PPP3R1: variants seen among roughly 807,000 people sequenced by gnomAD.
PPP3R1 encodes the protein protein phosphatase 3 regulatory subunit B, alpha.
A neutral mutation model predicts 22.6 loss-of-function variants in PPP3R1; 5 were observed. The ratio of observed to expected loss-of-function variants is 0.22; its 90% CI spans 0.12 to 0.46. PPP3R1 has a LOEUF of 0.46. Ranked by LOEUF, PPP3R1 falls within the 20% of genes least tolerant of loss-of-function variation. The pLI, the probability that PPP3R1 is intolerant of heterozygous loss-of-function variation, is 0.99. For missense variants in PPP3R1, 61 were observed against 203.2 expected, an observed-to-expected ratio of 0.30 and a Z score of 4.25; for synonymous variants, 56 against 65.2, an observed-to-expected ratio of 0.86 and a Z score of 0.68.
chr2:68,205,676 C>T (rs1395412140), intron 2 of PPP3R1, among the ~76,000 whole-genome samples: 1 of 152,018 alleles, frequency 6.6e-6, no homozygotes, highest in Non-Finnish European at 1.5e-5. Flanking sequence ...TTTTTTAAAT[C>T]AATCCAGATG....
At chr2:68,208,090 T>G (rs546501377) in intron 2 of PPP3R1, among the ~76,000 whole-genome samples, 1 of 151,990 alleles carries the variant, frequency 6.6e-6, no homozygotes, top group African/African-American at 2.4e-5. Context: ...GAGGTGGAGG[T>G]TGCAGTGAGC....
Position 68,181,296 on chromosome 2 carries a change from T to C in PPP3R1, c.466-286A>G, listed in dbSNP as rs369465878. Among the ~76,000 whole-genome samples the C allele has an allele frequency of 2.5e-3, 372 of 151,060 alleles. 3 individuals carry two copies. The highest frequency in any genetic ancestry group is 8.7e-3 in the African/African-American group (359 of 41,104). ...TAGTCCCAGCTACTGGGCAGGCTGA[T>C]GCAGGAGAATCGCTTGAACCCGGGA... On this transcript the variant is annotated intron_variant, in intron 5 of 5. Coordinates refer to ENST00000234310, the MANE Select transcript of PPP3R1 (RefSeq NM_000945.4).
At chr2:68,191,326 A>T (rs1674663906) in intron 2 of PPP3R1, among the ~76,000 whole-genome samples, 1 of 152,234 alleles carries the variant, frequency 6.6e-6, no homozygotes, top group Non-Finnish European at 1.5e-5. Flanking sequence ...TGTACTGAAT[A>T]CTGTAGGCAA....
In PPP3R1 at chr2:68,252,294, C is replaced by T; in HGVS notation, c.-167G>A. 6 of 1,029,944 alleles carry T rather than the reference C, an allele frequency of 5.8e-6. No homozygotes were observed. The highest frequency in any genetic ancestry group is 5.8e-6 in the Non-Finnish European group (5 of 860,468). 63.8% of individuals were successfully genotyped at this position (1,029,944 alleles called of 1,614,324 possible). On this transcript the variant is annotated 5_prime_UTR_variant, in exon 1 of 6. Transcript: ENST00000234310. ...GGCGGCGCCGCGGGGCCCGCGCCGG[C>T]CGGGCGATTGGGCACGCGAGGGAGC...
At chr2:68,223,815 A>C (rs1166300473) in intron 1 of PPP3R1, among the ~76,000 whole-genome samples, 4 of 152,050 alleles carry the variant, frequency 2.6e-5, no homozygotes, top group African/African-American at 4.8e-5. Flanking sequence ...ACAAAAAAAA[A>C]AAAAAACAAA....
intron 1 of PPP3R1, among the ~76,000 whole-genome samples, chr2:68,222,472 G>A (rs1000881565): frequency 2.6e-5 from 4 of 152,178 alleles, no homozygotes; most frequent in African/African-American, 9.7e-5. Flanking sequence ...AAGTAAAACT[G>A]ATTGGATAAC....
At chr2:68,244,679 C>T (rs957573539) in intron 1 of PPP3R1, among the ~76,000 whole-genome samples, 2 of 152,114 alleles carry the variant, frequency 1.3e-5, no homozygotes, top group African/African-American at 4.8e-5. Flanking sequence ...ATATCCCCAT[C>T]TTTCTCTTAC....
At chr2:68,218,630 T>C (rs1200414398) in intron 1 of PPP3R1, among the ~76,000 whole-genome samples, 1 of 149,060 alleles carries the variant, frequency 6.7e-6, no homozygotes, top group African/African-American at 2.5e-5. Context: ...TGTTTTTTTT[T>C]CCTTATTCCA....
chr2:68,214,609 T>C (rs548019842), intron 2 of PPP3R1, among the ~76,000 whole-genome samples: 3 of 152,256 alleles, frequency 2.0e-5, no homozygotes, highest in Non-Finnish European at 4.4e-5. Context: ...AGAATGGCTA[T>C]TACTAAAACA....
chr2:68,203,435 C>G (rs1422265525), intron 2 of PPP3R1, among the ~76,000 whole-genome samples: 2 of 152,224 alleles, frequency 1.3e-5, no homozygotes, highest in South Asian at 2.1e-4. Flanking sequence ...AACCTTGTCT[C>G]TAATACAAAT....
chr2:68,180,668 T>C lies in PPP3R1; in HGVS notation c.*295A>G. 1 of 230,898 alleles carries C rather than the reference T, an allele frequency of 4.3e-6. No homozygotes were observed. The highest frequency in any genetic ancestry group is 8.4e-6 in the Non-Finnish European group (1 of 118,888). The allele number at this position is 230,898 out of a possible 1,614,324, so 14.3% of individuals were successfully genotyped here. ...ATATGTATATATAGATACTTTCTTG[T>C]TATAAAAGATGAAGAAAAATAAATT... On this transcript the variant is annotated 3_prime_UTR_variant, in exon 6 of 6. Coordinates refer to ENST00000234310, the MANE Select transcript of PPP3R1 (RefSeq NM_000945.4).
intron 1 of PPP3R1, among the ~76,000 whole-genome samples, chr2:68,223,214 T>C (rs1669719081): frequency 6.6e-6 from 1 of 152,030 alleles, no homozygotes; most frequent in Non-Finnish European, 1.5e-5. Context: ...GGCCAACATG[T>C]TGAAACCCAT....
intron 1 of PPP3R1, among the ~76,000 whole-genome samples, chr2:68,242,757 T>C (rs1670159185): frequency 6.6e-6 from 1 of 152,168 alleles, no homozygotes; most frequent in Non-Finnish European, 1.5e-5. Context: ...ATGCCTAAAA[T>C]AGGGGCTTGC....
chr2:68,252,453 G>A lies in PPP3R1; in HGVS notation c.-326C>T, dbSNP rs1198915573. 1.0e-6 allele frequency: 1 copy of A among 990,182 alleles called. No individual in the cohort carries two copies. Among genetic ancestry groups the A allele is most frequent in the Non-Finnish European group, 1.2e-6 (1 of 833,740 alleles). 61.3% of individuals were successfully genotyped at this position (990,182 alleles called of 1,614,324 possible). On this transcript the variant is annotated 5_prime_UTR_variant, in exon 1 of 6. Coordinates refer to ENST00000234310, the MANE Select transcript of PPP3R1 (RefSeq NM_000945.4). ...GGGGCGAAGACGGCCGGGAAACTCG[G>A]GGGCTGCAGCCTCGCGCTCGCGCCG...
At chr2:68,195,745 C>T (rs1051795269) in intron 2 of PPP3R1, among the ~76,000 whole-genome samples, 1 of 152,114 alleles carries the variant, frequency 6.6e-6, no homozygotes, top group Non-Finnish European at 1.5e-5. Flanking sequence ...TATTAAAATA[C>T]TTACATCAGC....
At chr2:68,237,467 A>C (rs1330843566) in intron 1 of PPP3R1, among the ~76,000 whole-genome samples, 1 of 152,134 alleles carries the variant, frequency 6.6e-6, no homozygotes, top group African/African-American at 2.4e-5. Flanking sequence ...CATAATATCA[A>C]ATTAAATTTA....
At chr2:68,211,151 A>G (rs1264029831) in intron 2 of PPP3R1, among the ~76,000 whole-genome samples, 1 of 152,228 alleles carries the variant, frequency 6.6e-6, no homozygotes, top group Non-Finnish European at 1.5e-5. Context: ...TCACGCCTGT[A>G]ATCCCAGCAC....
intron 1 of PPP3R1, among the ~76,000 whole-genome samples, chr2:68,220,768 A>G (rs1376270402): frequency 6.6e-6 from 1 of 152,232 alleles, no homozygotes; most frequent in African/African-American, 2.4e-5. Context: ...AAAAGGCCAC[A>G]TTTTATGATT....
chr2:68,190,675 G>A (rs1418111784), intron 2 of PPP3R1, among the ~76,000 whole-genome samples: 1 of 152,128 alleles, frequency 6.6e-6, no homozygotes, highest in African/African-American at 2.4e-5. Context: ...AGAACCTCAA[G>A]TCTTTCTAAA....
Sources: gnomAD v4.1 joint callset for allele counts (sites outside exome capture counted in the v4.1 genomes callset) on GRCh38, gnomAD v4.1.1 for gene constraint, MANE v1.5 for transcripts, NCBI Gene and HGNC (gene_info 2026-07-23, HGNC 2026-07-21) for gene names.